The following MIOS variants were observed in gnomAD, a reference collection of about 807,000 sequenced individuals.
MIOS encodes GATOR2 complex protein MIOS.
In MIOS, 52 loss-of-function variants were observed where a neutral mutation model predicts 96.9. The ratio of observed to expected loss-of-function variants is 0.54; its 90% confidence interval spans 0.43 to 0.68. MIOS has a LOEUF of 0.68. Among genes scored for constraint, MIOS ranks in the 30% least tolerant of loss-of-function variants. The pLI is 0.00. For missense variants in MIOS, 1,005 were observed against 1,052.8 expected, an observed-to-expected ratio of 0.95 and a Z score of 0.63; for synonymous variants, 397 against 359.5, an observed-to-expected ratio of 1.10 and a Z score of -1.18.
intron 12 of MIOS, among the ~76,000 whole-genome samples, chr7:7,606,656 G>T (rs902970179): frequency 6.6e-6 from 1 of 152,160 alleles, no homozygotes; most frequent in African/African-American, 2.4e-5. Context: ...AAAGTAAAAG[G>T]TATGTGTTTC....
At chr7:7,580,549 C>T (rs1783678415) in intron 5 of MIOS, among the ~76,000 whole-genome samples, 1 of 152,056 alleles carries the variant, frequency 6.6e-6, no homozygotes, top group Non-Finnish European at 1.5e-5. Context: ...TTTCATAAAG[C>T]AATCGGATAT....
At chr7:7,590,304 AC>A (rs1430695274) in intron 9 of MIOS, among the ~76,000 whole-genome samples, 2 of 152,204 alleles carry the variant, frequency 1.3e-5, no homozygotes, top group Admixed American at 6.5e-5. Context: ...CACAAAGTAA[AC>A]TTACCTAATG....
chr7:7,585,003 G>A (rs1019016061), intron 6 of MIOS, among the ~76,000 whole-genome samples: 1 of 152,098 alleles, frequency 6.6e-6, no homozygotes, highest in Admixed American at 6.5e-5. Flanking sequence ...TGTAATTAAA[G>A]TATTGAAATA....
At position 7,589,520 on chromosome 7, in the gene MIOS, A is replaced by G. The variant is rs768234358; in HGVS notation, c.2000A>G (p.Asp667Gly). The G allele has an allele frequency of 2.5e-6, 4 of 1,613,006 alleles. No homozygotes were observed. Among genetic ancestry groups the G allele is most frequent in the South Asian group, 1.1e-5 (1 of 90,894 alleles). Residue 667 changes from aspartate (D) to glycine (G), a missense_variant, in exon 9 of 13, where the codon GAT (aspartate) becomes GGT (glycine). By Grantham distance (94) the Asp-to-Gly change is moderately conservative. This residue lies in a region of MIOS where 865 missense variants were observed against 887.9 expected (regional missense o/e 0.97). Transcript: ENST00000340080. ...DGVDLMESYV[D>G]RTGDVQTASY... Reference sequence around the variant, plus strand: ...GTGGACTTAATGGAGAGTTATGTTGATAGAACTGGAGATGTTCAAACAGCA... The same window carrying G: ...GTGGACTTAATGGAGAGTTATGTTGGTAGAACTGGAGATGTTCAAACAGCA...
intron 9 of MIOS, among the ~76,000 whole-genome samples, 180 bp from the exon 10 acceptor site, chr7:7,594,800 T>C (rs1238454637): frequency 2.0e-5 from 3 of 150,220 alleles, no homozygotes; most frequent in African/African-American, 7.3e-5. Flanking sequence ...GGAACCCAGC[T>C]TGAGATAAAT....
At chr7:7,582,690 G>C in intron 5 of MIOS, 2 of 880,200 alleles carry the variant, frequency 2.3e-6, no homozygotes, top group Non-Finnish European at 2.7e-6. Flanking sequence ...GATACCTTGT[G>C]AATAAAACAG....
At chr7:7,598,498 C>T (rs1281225741) in intron 11 of MIOS, among the ~76,000 whole-genome samples, 2 of 152,072 alleles carry the variant, frequency 1.3e-5, no homozygotes, top group African/African-American at 2.4e-5. Flanking sequence ...TTATTTTATA[C>T]ATTACATACT....
At chr7:7,587,720 TA>T (rs2115427555) in intron 7 of MIOS, among the ~76,000 whole-genome samples, 1 of 152,070 alleles carries the variant, frequency 6.6e-6, no homozygotes, top group African/African-American at 2.4e-5. Context: ...TATTTTATCA[TA>T]GAAAAAATAT....
chr7:7,607,256 T>C lies in MIOS; in HGVS notation c.*164T>C, dbSNP rs956301947. 7.5e-6 allele frequency: 4 copies of C among 535,734 alleles called. No individual in the cohort carries two copies. Among genetic ancestry groups the C allele is most frequent in the South Asian group, 5.2e-5 (2 of 38,452 alleles). 33.2% of individuals were successfully genotyped at this position (535,734 alleles called of 1,614,324 possible). ...TTTTGATGTTTGAGTGATTTTGATA[T>C]GCTTCACAGAGACAAATGCTGCCAA... is the stretch of plus-strand genomic sequence containing the variant. On this transcript the variant is annotated 3_prime_UTR_variant, in exon 13 of 13. Coordinates refer to ENST00000340080, the MANE Select transcript of MIOS (RefSeq NM_019005.4).
Position 7,568,592 on chromosome 7 carries a change from C to T in MIOS, c.-41+469C>T, listed in dbSNP as rs183293615. Among the ~76,000 whole-genome samples, 41 of 152,330 alleles carry T rather than the reference C, an allele frequency of 2.7e-4. No individual in the cohort carries two copies. The East Asian group carries it at 6.8e-3, about 25-fold the overall frequency. ...GCACAGAGCCCAGCATTTAGAATGG[C>T]TAGCACTTAGTTTAATGGCCAGTCT... On this transcript the variant is annotated intron_variant, in intron 3 of 12. Coordinates refer to ENST00000340080, the MANE Select transcript of MIOS (RefSeq NM_019005.4).
intron 5 of MIOS, among the ~76,000 whole-genome samples, chr7:7,579,743 G>A (rs992224702): frequency 9.9e-5 from 15 of 152,202 alleles, no homozygotes; most frequent in Admixed American, 9.8e-4. Flanking sequence ...AGCTGTCCTG[G>A]GCTGTGGGTT....
chr7:7,606,639 T>C (rs1244433691), intron 12 of MIOS, among the ~76,000 whole-genome samples: 2 of 152,214 alleles, frequency 1.3e-5, no homozygotes, highest in African/African-American at 4.8e-5. Flanking sequence ...TCTTGCCATA[T>C]ATGTAGAAAG....
intron 6 of MIOS, among the ~76,000 whole-genome samples, chr7:7,585,143 A>T (rs1488904062): frequency 1.3e-5 from 2 of 152,174 alleles, no homozygotes; most frequent in African/African-American, 4.8e-5. Flanking sequence ...TGTTTTTGAA[A>T]TACCTTTACA....
chr7:7,586,321 T>A (rs896561955), intron 7 of MIOS, among the ~76,000 whole-genome samples: 2 of 152,194 alleles, frequency 1.3e-5, no homozygotes, highest in Non-Finnish European at 2.9e-5. Context: ...TATTTCAGCT[T>A]TTTATTTGGT....
chr7:7,573,651 G>A lies in MIOS; in HGVS notation c.1176G>A (p.Thr392=), dbSNP rs1379573006. ...ATTCTTTAGAAAAAGATATAGCAACGAAGATGCGTCTTCGGGCTTTATCAA... is the reference window on the plus strand; with the variant it reads ...ATTCTTTAGAAAAAGATATAGCAACAAAGATGCGTCTTCGGGCTTTATCAA... ...NDNSLEKDIA[T]KMRLRALSRY... The change falls in exon 4 of 13, where the codon ACG becomes ACA. Residue 392 remains threonine, a synonymous_variant. Coordinates refer to ENST00000340080, the MANE Select transcript of MIOS (RefSeq NM_019005.4). The surrounding 1 kb of genome is among the most constrained non-coding windows in gnomAD (Gnocchi z 5.0). 3 of 1,613,992 alleles carry A rather than the reference G, an allele frequency of 1.9e-6. No homozygotes were observed. The highest frequency in any genetic ancestry group is 1.6e-4 in the Middle Eastern group (1 of 6,062).
chr7:7,577,901 ATAAT>A lies in MIOS; in HGVS notation c.1393+3709_1393+3712del, dbSNP rs1482870886. ...GCAGAATAAAGGACAGTAGGGCAAG[ATAAT>A]TAAATATATTGGCAAGAGAGTGGTT... On this transcript the variant is annotated intron_variant, in intron 5 of 12. Coordinates refer to ENST00000340080, the MANE Select transcript of MIOS (RefSeq NM_019005.4). Among the ~76,000 whole-genome samples, 5 of 152,224 alleles carry A rather than the reference ATAAT, an allele frequency of 3.3e-5. No individual in the cohort carries two copies. The East Asian group carries it at 9.6e-4, about 29-fold the overall frequency.
chr7:7,599,956 T>C (rs1784321882), intron 11 of MIOS, among the ~76,000 whole-genome samples: 1 of 151,986 alleles, frequency 6.6e-6, no homozygotes, highest in Admixed American at 6.6e-5. Flanking sequence ...ATGTTATAAG[T>C]AGGAGCTAAA....
Position 7,595,188 on chromosome 7 carries a change from T to G in MIOS, c.2196+56T>G. On this transcript the variant is annotated intron_variant, in intron 10 of 12. Transcript: ENST00000340080. ...TGTAACATGTTGATGTTCAATTTAA[T>G]AAGTTACTATTAGCTCATTATTTTG... The G allele has an allele frequency of 2.6e-6, 4 of 1,550,664 alleles. No individual in the cohort carries two copies. In the Admixed American group the frequency reaches 7.7e-5, roughly 30 times the overall value.
chr7:7,605,912 GT>G (rs755827291), intron 11 of MIOS, 29 bp from the exon 12 acceptor site: 2 of 1,595,204 alleles, frequency 1.3e-6, no homozygotes, highest in Non-Finnish European at 8.6e-7. Flanking sequence ...TTATGATATA[GT>G]TAATGAAGAT....
Sources: allele counts gnomAD v4.1 joint callset (sites outside exome capture counted in the v4.1 genomes callset), GRCh38; gene constraint gnomAD v4.1.1; regional missense constraint gnomAD v4.1.1; non-coding constraint Gnocchi (gnomAD v3.1); transcripts MANE v1.5; gene names NCBI Gene and HGNC (gene_info 2026-07-23, HGNC 2026-07-21).